Variants in JHY observed in about 807,000 individuals in gnomAD.
JHY encodes the protein junctional cadherin complex regulator.
In JHY, 69 loss-of-function variants were observed where a neutral mutation model predicts 78.0. The ratio of observed to expected loss-of-function variants is 0.88; its 90% confidence interval spans 0.73 to 1.08. The LOEUF (loss-of-function observed/expected upper bound fraction) is 1.08. JHY is among the 50% of genes least tolerant of loss of function. The pLI is 0.00. For missense variants in JHY, 944 were observed against 927.8 expected (o/e 1.02, Z -0.23); for synonymous variants, 368 against 342.6 (o/e 1.07, Z -0.82).
At chr11:122,930,514 A>G (rs2135349418) in intron 4 of JHY, among the ~76,000 whole-genome samples, 1 of 152,348 alleles carries the variant, frequency 6.6e-6, no homozygotes, top group East Asian at 1.9e-4. Context: ...AAGAGAGAAG[A>G]TATGCCTGAG....
intron 7 of JHY, 135 bp downstream of exon 7, chr11:122,956,711 T>C: frequency 1.6e-6 from 1 of 621,862 alleles, no homozygotes; most frequent in Non-Finnish European, 2.7e-6. Context: ...TCTGAAATAA[T>C]CTTGGTATAG....
At chr11:122,888,117 A>G (rs1862535282) in intron 2 of JHY, among the ~76,000 whole-genome samples, 2 of 152,102 alleles carry the variant, frequency 1.3e-5, no homozygotes, top group African/African-American at 4.8e-5. Flanking sequence ...GATATGTCAC[A>G]GTAAAAGTGA....
At chr11:122,924,490 T>C (rs1467878928) in intron 3 of JHY, among the ~76,000 whole-genome samples, 1 of 152,234 alleles carries the variant, frequency 6.6e-6, no homozygotes, top group Non-Finnish European at 1.5e-5. Flanking sequence ...ACCGCGAGCA[T>C]TCCATGTGTA....
Position 122,886,070 on chromosome 11 carries a change from T to G in JHY, c.221T>G (p.Leu74Ter). Residue 74 changes from leucine to a stop codon, truncating the protein, a stop_gained, in exon 2 of 9, where the codon TTA (leucine) becomes TGA (stop). Coordinates refer to ENST00000227349, the MANE Select transcript of JHY (RefSeq NM_024806.4). LOFTEE classifies it high-confidence loss of function. ...IRGNGMEPDSLDEEESPRWGS... is the reference protein window; with the variant it reads ...IRGNGMEPDS ...GGCAACGGTATGGAGCCCGACAGCT[T>G]AGACGAGGAGGAAAGCCCTCGATGG... The G allele has an allele frequency of 6.2e-7, 1 of 1,614,086 alleles. No individual in the cohort carries two copies. The highest frequency in any genetic ancestry group is 8.5e-7 in the Non-Finnish European group (1 of 1,180,030).
At chr11:122,924,176 A>G (rs1248576347) in intron 3 of JHY, among the ~76,000 whole-genome samples, 2 of 152,036 alleles carry the variant, frequency 1.3e-5, no homozygotes, top group Non-Finnish European at 1.5e-5. Flanking sequence ...GGTTTTTCTA[A>G]TATCTAACTA....
At chr11:122,909,643 G>T (rs1863071950) in intron 3 of JHY, among the ~76,000 whole-genome samples, 1 of 152,132 alleles carries the variant, frequency 6.6e-6, no homozygotes, top group Admixed American at 6.5e-5. Flanking sequence ...GCCGAGCATG[G>T]TGGTGTGTGC....
In JHY at chr11:122,946,566, T is replaced by C; in HGVS notation, c.1703T>C (p.Met568Thr). 4 of 1,613,848 alleles carry C rather than the reference T, an allele frequency of 2.5e-6. No individual in the cohort carries two copies. Among genetic ancestry groups the C allele is most frequent in the Non-Finnish European group, 3.4e-6 (4 of 1,179,956 alleles). ...ASPDSWLTQI[M>T]EQHQQALVQL... ...CCAGATTCATGGCTCACCCAGATAA[T>C]GGAGCAGCATCAGCAAGCCTTGGTG... The change falls in exon 6 of 9, where the codon ATG becomes ACG. Residue 568 changes from methionine to threonine, a missense_variant. Coordinates refer to ENST00000227349, the MANE Select transcript of JHY (RefSeq NM_024806.4).
At position 122,962,551 on chromosome 11, in the gene JHY, G is replaced by A. The variant is rs11218903; in HGVS notation, c.*3106G>A. Among the ~76,000 whole-genome samples the A allele has an allele frequency of 0.35, 53,381 of 151,982 alleles. 10,135 individuals are homozygous for A. The highest frequency in any genetic ancestry group is 0.43 in the Non-Finnish European group (29,070 of 67,920). Reference sequence around the variant, plus strand: ...CTCCTAAAATGTATTTATAAGAGAAGAGGCCCTTCTAGGTGCATGAAGACA... The same window carrying A: ...CTCCTAAAATGTATTTATAAGAGAAAAGGCCCTTCTAGGTGCATGAAGACA... On this transcript the variant is annotated 3_prime_UTR_variant, in exon 9 of 9. Transcript: ENST00000227349.
chr11:122,940,292 C>A lies in JHY; in HGVS notation c.1634+5217C>A, dbSNP rs138391778. Among the ~76,000 whole-genome samples, 15 of 152,036 alleles carry A rather than the reference C, an allele frequency of 9.9e-5. 1 individual carries two copies. On this transcript the variant is annotated intron_variant, in intron 5 of 8. Coordinates refer to ENST00000227349, the MANE Select transcript of JHY (RefSeq NM_024806.4). Reference sequence around the variant, plus strand: ...GGCAGAGGTTGCAGTGAGCTGAGATCCTGCCACTGCACTCCAGCCTGGGCA... The same window carrying A: ...GGCAGAGGTTGCAGTGAGCTGAGATACTGCCACTGCACTCCAGCCTGGGCA...
At chr11:122,947,745 A>G (rs2135373787) in intron 6 of JHY, among the ~76,000 whole-genome samples, 1 of 152,294 alleles carries the variant, frequency 6.6e-6, no homozygotes, top group African/African-American at 2.4e-5. Flanking sequence ...AGAGATTTGC[A>G]TGCAGGAGGT....
chr11:122,960,451 C>A lies in JHY; in HGVS notation c.*1006C>A. The A allele has an allele frequency of 4.2e-6, 1 of 235,978 alleles. No homozygotes were observed. 14.6% of individuals were successfully genotyped at this position (235,978 alleles called of 1,614,324 possible). On this transcript the variant is annotated 3_prime_UTR_variant, in exon 9 of 9. Coordinates refer to ENST00000227349, the MANE Select transcript of JHY (RefSeq NM_024806.4). ...TTTCACACAGGGAAGCCACTCCTTG[C>A]CCCTCTACCACCTCTTCCTTCCTTT...
At chr11:122,912,231 G>A (rs1453741762) in intron 3 of JHY, among the ~76,000 whole-genome samples, 13 of 150,502 alleles carry the variant, frequency 8.6e-5, no homozygotes, top group Admixed American at 1.3e-4. Flanking sequence ...AGGTTGCAGT[G>A]AGCCGAGATC....
At position 122,956,595 on chromosome 11, in the gene JHY, C is replaced by T; in HGVS notation, c.2010+19C>T. On this transcript the variant is annotated intron_variant, in intron 7 of 8. Coordinates refer to ENST00000227349, the MANE Select transcript of JHY (RefSeq NM_024806.4). Reference sequence around the variant, plus strand: ...AGACAAAGTGAGTGAGATGCACATACAGTGTTTCCAGACCTGACTCAGCCC... The same window carrying T: ...AGACAAAGTGAGTGAGATGCACATATAGTGTTTCCAGACCTGACTCAGCCC... 3 of 1,606,404 alleles carry T rather than the reference C, an allele frequency of 1.9e-6. No homozygotes were observed. The highest frequency in any genetic ancestry group is 2.6e-6 in the Non-Finnish European group (3 of 1,173,960).
chr11:122,917,823 G>C lies in JHY; in HGVS notation c.865-7074G>C, dbSNP rs1424637645. The stretch of plus-strand genomic sequence containing the variant: ...TAATCAGTCTTTCTGTAAGTTATAT[G>C]AGATATTCCTAAAAATCTCTTTCAC... On this transcript the variant is annotated intron_variant, in intron 3 of 8. Coordinates refer to ENST00000227349, the MANE Select transcript of JHY (RefSeq NM_024806.4). The surrounding 1 kb of genome is among the most constrained non-coding windows in gnomAD (Gnocchi z 4.1). Among the ~76,000 whole-genome samples, 1 of 152,114 alleles carries C rather than the reference G, an allele frequency of 6.6e-6. No individual in the cohort carries two copies. The highest frequency in any genetic ancestry group is 1.5e-5 in the Non-Finnish European group (1 of 68,020).
At chr11:122,915,369 T>C (rs1314264967) in intron 3 of JHY, among the ~76,000 whole-genome samples, 1 of 152,142 alleles carries the variant, frequency 6.6e-6, no homozygotes, top group Non-Finnish European at 1.5e-5. Flanking sequence ...AAGTGAAAAC[T>C]GCTATGCTAG....
Position 122,935,545 on chromosome 11 carries a change from T to C in JHY, c.1634+470T>C, listed in dbSNP as rs1003146116. On this transcript the variant is annotated intron_variant, in intron 5 of 8. Coordinates refer to ENST00000227349, the MANE Select transcript of JHY (RefSeq NM_024806.4). This position sits in a 1 kb window ranked among gnomAD's most constrained non-coding sequence, Gnocchi z 4.5. ...CCACCGCACCCGGCCAAGAGTCTAC[T>C]TTTGATGGATTTCTTTTCCTCTTCC... is the stretch of plus-strand genomic sequence containing the variant. Among the ~76,000 whole-genome samples the C allele has an allele frequency of 3.1e-4, 47 of 152,200 alleles. No homozygotes were observed. The highest frequency in any genetic ancestry group is 1.5e-4 in the Non-Finnish European group (10 of 68,042).
intron 2 of JHY, among the ~76,000 whole-genome samples, chr11:122,902,463 C>CA (rs1387511263): frequency 2.8e-3 from 385 of 137,862 alleles, no homozygotes; most frequent in African/African-American, 7.7e-3. Context: ...AGACTTGTCT[C>CA]AAAAAAAAAA....
Position 122,883,013 on chromosome 11 carries a change from GC to G in JHY, c.-90+44del, listed in dbSNP as rs1304119700. On this transcript the variant is annotated intron_variant, in intron 1 of 8. Coordinates refer to ENST00000227349, the MANE Select transcript of JHY (RefSeq NM_024806.4). The surrounding 1 kb of genome is among the most constrained non-coding windows in gnomAD (Gnocchi z 4.4). ...CTCCCGGATCTGGGGTGGGCGGCGC[GC>G]CCGGGGAGGGAAACGGGAAGGGCTT... 6.5e-6 allele frequency: 1 copy of G among 152,880 alleles called. No homozygotes were observed. Among genetic ancestry groups the G allele is most frequent in the Non-Finnish European group, 1.5e-5 (1 of 68,046 alleles). 9.5% of individuals were successfully genotyped at this position (152,880 alleles called of 1,614,324 possible).
chr11:122,915,411 A>T (rs1486170874), intron 3 of JHY, among the ~76,000 whole-genome samples: 1 of 152,258 alleles, frequency 6.6e-6, no homozygotes, highest in East Asian at 1.9e-4. Context: ...AACCCGGAAG[A>T]AAAGGTGCCT....
Sources: allele counts gnomAD v4.1 joint callset (sites outside exome capture counted in the v4.1 genomes callset), GRCh38; gene constraint gnomAD v4.1.1; non-coding constraint Gnocchi (gnomAD v3.1); transcripts MANE v1.5; gene names NCBI Gene and HGNC (gene_info 2026-07-23, HGNC 2026-07-21).